STXBP4: variants seen among roughly 807,000 people sequenced by gnomAD.
STXBP4 encodes syntaxin-binding protein 4.
A neutral mutation model predicts 76.1 loss-of-function variants in STXBP4; 55 were observed. The observed-to-expected ratio is 0.72, with a 90% confidence interval of 0.58 to 0.91. The LOEUF (loss-of-function observed/expected upper bound fraction) is 0.91. Ranked by LOEUF, STXBP4 falls within the 40% of genes least tolerant of loss-of-function variation. STXBP4 has a pLI of 0.00. For synonymous variants in STXBP4, 201 were observed against 220.2 expected (o/e 0.91, Z 0.77); for missense variants, 618 against 636.9 (o/e 0.97, Z 0.32).
intron 16 of STXBP4, among the ~76,000 whole-genome samples, chr17:55,122,291 A>G (rs921700682): frequency 6.6e-6 from 1 of 152,248 alleles, no homozygotes; most frequent in African/African-American, 2.4e-5. Flanking sequence ...GAGAATGTTA[A>G]GTGCTGTGAT....
chr17:55,037,823 G>A lies in STXBP4; in HGVS notation c.855+3564G>A, dbSNP rs1019580988. On this transcript the variant is annotated intron_variant, in intron 10 of 17. Coordinates refer to ENST00000376352, the MANE Select transcript of STXBP4 (RefSeq NM_178509.6). ...TATTTCATTAAAACTTTGGTTTCAC[G>A]ATTCGCTAATGGGTGATGTAACAGT... 4.6e-5 allele frequency among the ~76,000 whole-genome samples: 7 copies of A among 152,058 alleles called. No individual in the cohort carries two copies. The East Asian group carries it at 5.8e-4, about 13-fold the overall frequency.
chr17:55,033,795 A>T (rs1441829962), intron 9 of STXBP4, among the ~76,000 whole-genome samples: 1 of 152,196 alleles, frequency 6.6e-6, no homozygotes, highest in African/African-American at 2.4e-5. Context: ...CATAAACATT[A>T]TCTGCTGCTA....
intron 10 of STXBP4, among the ~76,000 whole-genome samples, chr17:55,038,431 C>G (rs2078641663): frequency 2.0e-5 from 3 of 152,014 alleles, no homozygotes; most frequent in Admixed American, 2.0e-4. Context: ...TGCTGCTTTT[C>G]CTCATTATTT....
intron 16 of STXBP4, among the ~76,000 whole-genome samples, chr17:55,089,805 C>A (rs2079386658): frequency 6.6e-6 from 1 of 152,048 alleles, no homozygotes; most frequent in African/African-American, 2.4e-5. Flanking sequence ...CATATGAGGT[C>A]TTTAATAAAA....
chr17:55,149,305 T>C (rs1212773758), intron 17 of STXBP4, among the ~76,000 whole-genome samples: 1 of 152,196 alleles, frequency 6.6e-6, no homozygotes. Flanking sequence ...ATATTGTTGT[T>C]GGCAGTCTGC....
downstream of STXBP4, among the ~76,000 whole-genome samples, chr17:55,176,727 C>T (rs1369152377): frequency 2.0e-5 from 3 of 152,160 alleles, no homozygotes; most frequent in Non-Finnish European, 4.4e-5. Context: ...GCATTTGAAT[C>T]AGTAGACCCA....
chr17:54,969,266 G>A (rs183153593), intron 1 of STXBP4, among the ~76,000 whole-genome samples: 35 of 152,218 alleles, frequency 2.3e-4, no homozygotes, highest in African/African-American at 8.2e-4. Context: ...AGAGTGACCA[G>A]GATAGGAGGG....
chr17:55,197,156 A>T, the STXBP4 span, among the ~76,000 whole-genome samples: 3 of 152,196 alleles, frequency 2.0e-5, no homozygotes, highest in East Asian at 5.8e-4. Flanking sequence ...TCTCTGGGGG[A>T]TGGGAAGGCA....
At chr17:55,066,195 G>GTTGTT (rs4048521) in intron 12 of STXBP4, among the ~76,000 whole-genome samples, 12,377 of 149,012 alleles carry the variant, frequency 0.083, 936 homozygotes, top group African/African-American at 0.2. Context: ...TGTGGGTTTT[G>GTTGTT]TTGTTTTGTT....
chr17:55,176,075 TAAAC>T (rs995844937), downstream of STXBP4, among the ~76,000 whole-genome samples: 23 of 151,958 alleles, frequency 1.5e-4, no homozygotes, highest in Non-Finnish European at 2.8e-4. Context: ...TATGGGTGAG[TAAAC>T]AAACCATTCA....
rs1052337633 is a variant in STXBP4, at chr17:55,166,095, C to A, written c.*6184C>A. ...AATGTTGCTCAGGATCCATTTATTC[C>A]CTATTCCTGGTGTTTCTTTGTAGAG... On this transcript the variant is annotated 3_prime_UTR_variant, in exon 18 of 18. Coordinates refer to ENST00000376352, the MANE Select transcript of STXBP4 (RefSeq NM_178509.6). The A allele has an allele frequency of 4.6e-5, 7 of 152,070 alleles. No individual in the cohort carries two copies. Among genetic ancestry groups the A allele is most frequent in the African/African-American group, 1.4e-4 (6 of 41,392 alleles). 9.4% of individuals were successfully genotyped at this position (152,070 alleles called of 1,614,324 possible).
At chr17:55,048,274 A>C (rs2078816861) in intron 12 of STXBP4, among the ~76,000 whole-genome samples, 1 of 151,874 alleles carries the variant, frequency 6.6e-6, no homozygotes. Context: ...AAAGCAGAAC[A>C]CAACTTATTA....
intron 16 of STXBP4, among the ~76,000 whole-genome samples, chr17:55,087,156 G>A (rs1020190171): frequency 6.6e-6 from 1 of 152,098 alleles, no homozygotes; most frequent in Admixed American, 6.6e-5. Flanking sequence ...TGAGTTCCTT[G>A]TGTATTCTGA....
downstream of STXBP4, among the ~76,000 whole-genome samples, chr17:55,175,829 T>G (rs540508058): frequency 3.3e-4 from 51 of 152,292 alleles, no homozygotes; most frequent in African/African-American, 1.2e-3. Context: ...ACTCCCTCCT[T>G]TGTCTCTCCC....
chr17:55,155,538 A>G (rs931066407), intron 17 of STXBP4, among the ~76,000 whole-genome samples: 1 of 147,336 alleles, frequency 6.8e-6, no homozygotes, highest in Non-Finnish European at 1.5e-5. Flanking sequence ...TGACACTGGA[A>G]GTTAATTACT....
intron 16 of STXBP4, among the ~76,000 whole-genome samples, chr17:55,135,401 AG>A (rs1426222327): frequency 6.6e-6 from 1 of 152,138 alleles, no homozygotes; most frequent in Non-Finnish European, 1.5e-5. Context: ...GTATATAACC[AG>A]GTGGTAAAAC....
At chr17:55,049,417 C>A in intron 12 of STXBP4, among the ~76,000 whole-genome samples, 1 of 151,656 alleles carries the variant, frequency 6.6e-6, no homozygotes, top group East Asian at 1.9e-4. Flanking sequence ...TCAAAAGATG[C>A]AAATTTTTTA....
intron 13 of STXBP4, among the ~76,000 whole-genome samples, chr17:55,077,729 G>GTGTA (rs1187595865): frequency 1.3e-5 from 2 of 149,206 alleles, no homozygotes; most frequent in African/African-American, 4.9e-5. Flanking sequence ...GTGTGTGTGT[G>GTGTA]TATCCAGCAT....
chr17:55,030,200 A>G (rs2078481625), intron 8 of STXBP4, among the ~76,000 whole-genome samples: 2 of 152,190 alleles, frequency 1.3e-5, no homozygotes, highest in African/African-American at 2.4e-5. Flanking sequence ...TGGAGGTTTC[A>G]GAGTATCAGG....
Sources: allele counts gnomAD v4.1 joint callset (sites outside exome capture counted in the v4.1 genomes callset), GRCh38; gene constraint gnomAD v4.1.1; transcripts MANE v1.5; gene names NCBI Gene and HGNC (gene_info 2026-07-23, HGNC 2026-07-21).